The following NBAS variants were observed in gnomAD, a reference collection of about 807,000 sequenced individuals.
NBAS encodes NAG/BC035112 fusion.
NBAS carries 219 observed loss-of-function variants against 302.5 expected under a neutral mutation model. The ratio of observed to expected loss-of-function variants is 0.72; its 90% confidence interval spans 0.65 to 0.81. The LOEUF is 0.81. Among genes scored for constraint, NBAS ranks in the 30% least tolerant of loss-of-function variants. NBAS has a pLI of 0.00. For missense variants in NBAS, 2,932 were observed against 2,841.6 expected, an observed-to-expected ratio of 1.03 and a Z score of -0.72; for synonymous variants, 1,118 against 1,021.6, an observed-to-expected ratio of 1.09 and a Z score of -1.80.
At chr2:15,235,625 G>A (rs952909637) in intron 45 of NBAS, among the ~76,000 whole-genome samples, 1 of 152,164 alleles carries the variant, frequency 6.6e-6, no homozygotes, top group African/African-American at 2.4e-5. Flanking sequence ...TAGTGATCAT[G>A]TTATAGTGGT....
At chr2:15,096,549 C>G in the NBAS span, among the ~76,000 whole-genome samples, 1 of 152,230 alleles carries the variant, frequency 6.6e-6, no homozygotes, top group Non-Finnish European at 1.5e-5. Context: ...GCCCTTCCTC[C>G]TAAGGCCCTC....
At chr2:15,437,395 G>C (rs974493072) in intron 21 of NBAS, among the ~76,000 whole-genome samples, 1 of 152,170 alleles carries the variant, frequency 6.6e-6, no homozygotes, top group Non-Finnish European at 1.5e-5. Flanking sequence ...TTTGCCCTGA[G>C]ATACTGCTGC....
chr2:14,986,260 A>T, the NBAS span, among the ~76,000 whole-genome samples: 1 of 152,162 alleles, frequency 6.6e-6, no homozygotes, highest in African/African-American at 2.4e-5. Context: ...AACTAACTAA[A>T]AAGATATGGA....
chr2:15,488,167 G>C (rs1312151822), intron 12 of NBAS, among the ~76,000 whole-genome samples: 1 of 152,136 alleles, frequency 6.6e-6, no homozygotes, highest in African/African-American at 2.4e-5. Context: ...AACAGAGTGA[G>C]GGGGTGAGAG....
chr2:15,025,974 G>T, the NBAS span, among the ~76,000 whole-genome samples: 1 of 152,080 alleles, frequency 6.6e-6, no homozygotes, highest in African/African-American at 2.4e-5. Flanking sequence ...TTGCCTGATT[G>T]CTCTGGCCAG....
the NBAS span, among the ~76,000 whole-genome samples, chr2:14,794,288 G>C: frequency 1.1e-3 from 168 of 152,246 alleles, no homozygotes; most frequent in African/African-American, 3.9e-3. Flanking sequence ...CTCCTAAAAT[G>C]ATTGAGATTT....
At chr2:14,994,794 G>A in the NBAS span, among the ~76,000 whole-genome samples, 2 of 152,166 alleles carry the variant, frequency 1.3e-5, no homozygotes, top group African/African-American at 4.8e-5. Context: ...CTCTTAACCT[G>A]CCCTTAGCAC....
chr2:15,470,972 CAAAA>C (rs1679934185), intron 16 of NBAS, among the ~76,000 whole-genome samples: 1 of 151,692 alleles, frequency 6.6e-6, no homozygotes, highest in African/African-American at 2.4e-5. Context: ...CAAAACAAAA[CAAAA>C]AAAATCATAA....
At chr2:14,795,898 G>A in the NBAS span, among the ~76,000 whole-genome samples, 5 of 152,236 alleles carry the variant, frequency 3.3e-5, no homozygotes, top group Admixed American at 1.3e-4. Flanking sequence ...TGAACCACTG[G>A]CCTAACTCGA....
At chr2:15,230,149 T>C (rs903929479) in intron 47 of NBAS, among the ~76,000 whole-genome samples, 2 of 152,090 alleles carry the variant, frequency 1.3e-5, no homozygotes, top group Non-Finnish European at 2.9e-5. Flanking sequence ...TAGGCTGTCA[T>C]GTCATGCCAA....
the NBAS span, among the ~76,000 whole-genome samples, chr2:15,098,718 A>ATATATAT: frequency 7.2e-6 from 1 of 139,512 alleles, no homozygotes; most frequent in South Asian, 2.2e-4. Context: ...ACATTATATT[A>ATATATAT]TATATATTAT....
chr2:14,876,569 CTG>C, the NBAS span, among the ~76,000 whole-genome samples: 1 of 152,198 alleles, frequency 6.6e-6, no homozygotes, highest in Non-Finnish European at 1.5e-5. Context: ...GGAATCATTC[CTG>C]TGTATACTTT....
the NBAS span, among the ~76,000 whole-genome samples, chr2:14,894,557 A>ATATAT: frequency 6.6e-6 from 1 of 151,884 alleles, no homozygotes; most frequent in African/African-American, 2.4e-5. Context: ...ATATAAATAT[A>ATATAT]AAATATAATA....
At chr2:15,525,388 G>C (rs992181020) in intron 9 of NBAS, among the ~76,000 whole-genome samples, 5 of 152,164 alleles carry the variant, frequency 3.3e-5, no homozygotes, top group African/African-American at 1.2e-4. Flanking sequence ...TCCAGAAAGA[G>C]TAAATGACTT....
intron 26 of NBAS, among the ~76,000 whole-genome samples, chr2:15,398,090 CGTGT>C (rs201218082): frequency 4.7e-5 from 7 of 149,882 alleles, no homozygotes; most frequent in African/African-American, 9.8e-5. Flanking sequence ...CTCAGTCAGC[CGTGT>C]GTGTGTGTGT....
the NBAS span, among the ~76,000 whole-genome samples, chr2:14,965,886 T>C: frequency 1.3e-5 from 2 of 152,330 alleles, no homozygotes; most frequent in African/African-American, 4.8e-5. Flanking sequence ...TAACCCTTGG[T>C]ACTTGTGAAT....
chr2:15,022,079 T>G, the NBAS span, among the ~76,000 whole-genome samples: 1 of 152,266 alleles, frequency 6.6e-6, no homozygotes, highest in East Asian at 1.9e-4. Context: ...TGAGCCACCA[T>G]GCAGTGGCCT....
intron 1 of NBAS, among the ~76,000 whole-genome samples, chr2:15,559,536 A>T (rs13017772): frequency 0.63 from 95,299 of 152,082 alleles, 30,740 homozygotes; most frequent in Non-Finnish European, 0.68. Context: ...AGATTTTTTT[A>T]AAAAACACAG....
chr2:14,880,090 T>C, the NBAS span, among the ~76,000 whole-genome samples: 1 of 152,108 alleles, frequency 6.6e-6, no homozygotes, highest in South Asian at 2.1e-4. Context: ...AGAAGTATAT[T>C]ACAGAATTAG....
Sources: gnomAD v4.1 joint callset for allele counts (sites outside exome capture counted in the v4.1 genomes callset) on GRCh38, gnomAD v4.1.1 for gene constraint, MANE v1.5 for transcripts, NCBI Gene and HGNC (gene_info 2026-07-23, HGNC 2026-07-21) for gene names.